Variants in HIPK3 observed in about 807,000 individuals in gnomAD.
The protein encoded by HIPK3 is homeodomain-interacting protein kinase 3.
Under a neutral mutation model 124.2 loss-of-function variants are expected in HIPK3, and 47 were observed. The ratio of observed to expected loss-of-function variants is 0.38; its 90% CI spans 0.30 to 0.48. HIPK3 has a LOEUF of 0.48. Among genes scored for constraint, HIPK3 ranks in the 20% least tolerant of loss-of-function variants. The pLI, the probability that HIPK3 is intolerant of heterozygous loss-of-function variation, is 0.98. For missense variants in HIPK3, 1,286 were observed against 1,454.3 expected (o/e 0.88, Z 1.88); for synonymous variants, 482 against 515.2 (o/e 0.94, Z 0.87).
At position 33,287,509 on chromosome 11, in the gene HIPK3, CA is replaced by C. The variant is rs1565065248; in HGVS notation, c.1096del (p.Arg366GlufsTer15). 1 of 1,604,308 alleles carries C rather than the reference CA, an allele frequency of 6.2e-7. No individual in the cohort carries two copies. The highest frequency in any genetic ancestry group is 1.1e-5 in the South Asian group (1 of 89,694). On this transcript the variant is annotated frameshift_variant and splice_region_variant, in exon 2 of 17. Transcript: ENST00000303296. LOFTEE classifies it high-confidence loss of function. ...CAACATATCTACAATCTCGGTACTA[CA>C]GGTAGGTAACAACTCCATACTTTTT... ...CSTYLQSRYY[R>X]APEIILGLPF...
In HIPK3 at chr11:33,339,340, AT is replaced by A. The variant is rs5790925; in HGVS notation, c.1429-6del. On this transcript the variant is annotated splice_polypyrimidine_tract_variant and intron_variant, in intron 5 of 16. Coordinates refer to ENST00000303296, the MANE Select transcript of HIPK3 (RefSeq NM_005734.5). ...TTTTACTTGATGGCTTGAAATTTTG[AT>A]TTTCTTAGGTGAACACAGTGATGGA... is the stretch of plus-strand genomic sequence containing the variant. The A allele has an allele frequency of 1, 1,600,872 of 1,600,872 alleles. 800,436 individuals carry two copies. Among genetic ancestry groups the A allele is most frequent in the Non-Finnish European group, 1 (1,170,678 of 1,170,678 alleles).
At chr11:33,278,399 A>C (rs578247020) in intron 1 of HIPK3, among the ~76,000 whole-genome samples, 1 of 152,282 alleles carries the variant, frequency 6.6e-6, no homozygotes, top group East Asian at 1.9e-4. Context: ...TGTTTATAGG[A>C]GCATAAACTC....
chr11:33,347,942 T>C lies in HIPK3; in HGVS notation c.2235T>C (p.Val745=). The change falls in exon 11 of 17, where the codon GTT becomes GTC. Residue 745 remains valine, a synonymous_variant. Transcript: ENST00000303296. The part of the protein sequence containing the change: ...NQITLSAPQP[V]SVGIAHVVWP... ...TAACTTTATCTGCCCCTCAGCCAGT[T>C]AGTGTGGGGATTGCACATGTTGTCT... The C allele has an allele frequency of 1.9e-6, 3 of 1,614,148 alleles. No individual in the cohort carries two copies. In the South Asian group the frequency reaches 3.3e-5, roughly 18 times the overall value.
rs1367610246 is a variant in HIPK3, at chr11:33,310,298, T to TATCTATCTA, written c.1098-18202_1098-18194dup. Among the ~76,000 whole-genome samples, 3 of 151,552 alleles carry TATCTATCTA rather than the reference T, an allele frequency of 2.0e-5. No individual in the cohort carries two copies. The East Asian group carries it at 5.8e-4, about 29-fold the overall frequency. On this transcript the variant is annotated intron_variant, in intron 2 of 16. Coordinates refer to ENST00000303296, the MANE Select transcript of HIPK3 (RefSeq NM_005734.5). ...TGTCTATCTTATCTATCTATCTATC[T>TATCTATCTA]ATCTATCTAATCTATCTATCTATTC...
At chr11:33,290,842 A>G (rs536251809) in intron 2 of HIPK3, among the ~76,000 whole-genome samples, 1 of 152,186 alleles carries the variant, frequency 6.6e-6, no homozygotes, top group East Asian at 1.9e-4. Flanking sequence ...AGTAGTTTCT[A>G]ATTTGTGTTT....
Position 33,274,355 on chromosome 11 carries a change from T to A in HIPK3, c.-2-12058T>A, listed in dbSNP as rs142397779. On this transcript the variant is annotated intron_variant, in intron 1 of 16. Coordinates refer to ENST00000303296, the MANE Select transcript of HIPK3 (RefSeq NM_005734.5). Reference sequence around the variant, plus strand: ...CATAGATTTTCATAAGAAATAAAAGTTTTGTGGTGGTTCTTTTGAGACAGA... The same window carrying A: ...CATAGATTTTCATAAGAAATAAAAGATTTGTGGTGGTTCTTTTGAGACAGA... Among the ~76,000 whole-genome samples the A allele has an allele frequency of 9.1e-3, 1,382 of 152,292 alleles. 24 individuals are homozygous for A. The highest frequency in any genetic ancestry group is 0.031 in the African/African-American group (1,297 of 41,558).
intron 2 of HIPK3, among the ~76,000 whole-genome samples, chr11:33,310,771 G>T (rs540488606): frequency 2.6e-5 from 4 of 152,290 alleles, no homozygotes; most frequent in Admixed American, 2.6e-4. Context: ...GTAGGACAGC[G>T]GTATGCTAGT....
At chr11:33,323,565 C>G (rs1852727298) in intron 2 of HIPK3, among the ~76,000 whole-genome samples, 1 of 152,098 alleles carries the variant, frequency 6.6e-6, no homozygotes, top group Admixed American at 6.5e-5. Context: ...TATGAAATGT[C>G]CAGAATAGGC....
chr11:33,345,948 CTT>C (rs1055705989), intron 8 of HIPK3, among the ~76,000 whole-genome samples: 1 of 152,060 alleles, frequency 6.6e-6, no homozygotes, highest in African/African-American at 2.4e-5. Flanking sequence ...GTATTTTTCT[CTT>C]ATGCCTGAAG....
rs147249051 is a variant in HIPK3 at position 33,348,554 on chromosome 11, A to C, written c.2402A>C (p.His801Pro). The C allele has an allele frequency of 2.2e-5, 35 of 1,613,092 alleles. No individual in the cohort carries two copies. Among genetic ancestry groups the C allele is most frequent in the Non-Finnish European group, 2.9e-5 (34 of 1,179,056 alleles). ...TCATTACAGAATACCAATATCCCAC[A>C]TTCAGCATTTATTTCTCCAAAGATA... ...SNSLQNTNIP[H>P]SAFISPKIIN... is the part of the protein sequence containing the mutation. Residue 801 changes from histidine (H) to proline (P), a missense_variant, in exon 13 of 17, where the codon CAT (histidine) becomes CCT (proline). This residue lies in a region of HIPK3 where 810 missense variants were observed against 864.9 expected (regional missense o/e 0.94). Transcript: ENST00000303296.
chr11:33,303,744 C>A (rs914601509), intron 2 of HIPK3, among the ~76,000 whole-genome samples: 8 of 152,208 alleles, frequency 5.3e-5, no homozygotes, highest in African/African-American at 1.9e-4. Context: ...AGTGCCAGTT[C>A]AGTGGCCAGT....
intron 1 of HIPK3, among the ~76,000 whole-genome samples, chr11:33,264,418 C>G (rs1191666515): frequency 6.6e-6 from 1 of 152,070 alleles, no homozygotes; most frequent in Admixed American, 6.6e-5. Context: ...TGCTTAGCCT[C>G]CAAGATCAGG....
intron 1 of HIPK3, among the ~76,000 whole-genome samples, chr11:33,269,754 T>C (rs1327497171): frequency 1.2e-5 from 1 of 82,066 alleles, no homozygotes; most frequent in African/African-American, 3.8e-5. Context: ...TAAGCTCCCC[T>C]GTATTTTTTT....
chr11:33,337,517 G>A (rs182691307), intron 4 of HIPK3, among the ~76,000 whole-genome samples: 1 of 151,220 alleles, frequency 6.6e-6, no homozygotes, highest in African/African-American at 2.4e-5. Flanking sequence ...CACCATGCCC[G>A]GCTAATTTTT....
Position 33,323,835 on chromosome 11 carries a change from T to G in HIPK3, c.1098-4675T>G, listed in dbSNP as rs530379786. The stretch of plus-strand genomic sequence containing the variant: ...CTTTATCACATGCCCTAAACTGTTG[T>G]GTTTATGGTTTTCACACTTACCTTC... On this transcript the variant is annotated intron_variant, in intron 2 of 16. Coordinates refer to ENST00000303296, the MANE Select transcript of HIPK3 (RefSeq NM_005734.5). 2.1e-4 allele frequency among the ~76,000 whole-genome samples: 32 copies of G among 152,338 alleles called. No individual in the cohort carries two copies. In the South Asian group the frequency reaches 6.2e-3, roughly 30 times the overall value.
chr11:33,327,562 C>G (rs1852847530), intron 2 of HIPK3, among the ~76,000 whole-genome samples: 1 of 152,094 alleles, frequency 6.6e-6, no homozygotes, highest in Admixed American at 6.6e-5. Flanking sequence ...GGAGATGTAT[C>G]AGAGTTCATT....
intron 1 of HIPK3, among the ~76,000 whole-genome samples, chr11:33,283,927 G>A (rs1339707163): frequency 1.3e-5 from 2 of 151,998 alleles, no homozygotes; most frequent in Non-Finnish European, 1.5e-5. Flanking sequence ...TGCCCGCCTC[G>A]GCCTCCCAAA....
chr11:33,258,205 G>GGGGGGC, intron 1 of HIPK3: 2 of 642,208 alleles, frequency 3.1e-6, no homozygotes, highest in Non-Finnish European at 3.9e-6. Context: ...GGGGGCCTCG[G>GGGGGGC]CCCCCCCTCC....
chr11:33,347,194 TCTG>T, intron 8 of HIPK3, 96 bp from the exon 9 acceptor site: 1 of 1,122,398 alleles, frequency 8.9e-7, no homozygotes, highest in Non-Finnish European at 1.2e-6. Flanking sequence ...AAAAAAAAAA[TCTG>T]TCAGAATCTA....
Sources: allele counts gnomAD v4.1 joint callset (sites outside exome capture counted in the v4.1 genomes callset), GRCh38; gene constraint gnomAD v4.1.1; regional missense constraint gnomAD v4.1.1; transcripts MANE v1.5; gene names NCBI Gene and HGNC (gene_info 2026-07-23, HGNC 2026-07-21).